HNMT: variants seen among roughly 807,000 people sequenced by gnomAD.
HNMT encodes histamine N-methyltransferase.
Under a neutral mutation model 32.1 loss-of-function variants are expected in HNMT, and 30 were observed. The observed-to-expected ratio is 0.93, with a 90% CI of 0.70 to 1.27. The LOEUF is 1.27. Among genes scored for constraint, HNMT ranks in the 50% most tolerant of loss-of-function variants. The probability of loss-of-function intolerance (pLI) is 0.00; values close to 1 mark genes in which losing one functional copy is unlikely to be tolerated. For missense variants in HNMT, 327 were observed against 346.0 expected (o/e 0.95, Z 0.43); for synonymous variants, 125 against 119.0 (o/e 1.05, Z -0.33).
At chr2:138,005,613 G>A (rs535099555) in intron 5 of HNMT, among the ~76,000 whole-genome samples, 2 of 152,046 alleles carry the variant, frequency 1.3e-5, no homozygotes, top group South Asian at 2.1e-4. Flanking sequence ...ATAAATAAAG[G>A]TTAAACTATT....
At chr2:138,010,068 GGA>G (rs1409040723) in intron 5 of HNMT, among the ~76,000 whole-genome samples, 1 of 151,892 alleles carries the variant, frequency 6.6e-6, no homozygotes, top group African/African-American at 2.4e-5. Flanking sequence ...TACCTAAAAG[GGA>G]AGATGCTTCT....
intron 2 of HNMT, among the ~76,000 whole-genome samples, chr2:137,985,696 C>G (rs1429289973): frequency 1.3e-5 from 2 of 152,138 alleles, no homozygotes; most frequent in Non-Finnish European, 2.9e-5. Context: ...CAGACAGTCT[C>G]CCACTCAGAA....
rs956641313 is a variant in HNMT, at chr2:138,015,839, T to G, written c.*1709T>G. 4 of 152,162 alleles carry G rather than the reference T, an allele frequency of 2.6e-5. No homozygotes were observed. Among genetic ancestry groups the G allele is most frequent in the African/African-American group, 9.7e-5 (4 of 41,444 alleles). 9.4% of individuals were successfully genotyped at this position (152,162 alleles called of 1,614,324 possible). On this transcript the variant is annotated 3_prime_UTR_variant, in exon 6 of 6. Coordinates refer to ENST00000280097, the MANE Select transcript of HNMT (RefSeq NM_006895.3). The stretch of plus-strand genomic sequence containing the variant: ...ACAAAATTAGAACTAACAATGCTAT[T>G]GAAAGATACAAAAGAATTGCAGTCC...
Position 137,970,163 on chromosome 2 carries a change from A to T in HNMT, c.138-2A>T. On this transcript the variant is annotated splice_acceptor_variant, in intron 1 of 5. Transcript: ENST00000280097. LOFTEE classifies it high-confidence loss of function. ...TAAAACTACATAATTTTTTTCTTTC[A>T]GGATTGGAGACACAAAATCAGAAAT... 1 of 1,543,248 alleles carries T rather than the reference A, an allele frequency of 6.5e-7. No individual in the cohort carries two copies. The highest frequency in any genetic ancestry group is 8.9e-7 in the Non-Finnish European group (1 of 1,124,484).
Position 138,013,836 on chromosome 2 carries a change from C to G in HNMT, c.585C>G (p.Leu195=). The G allele has an allele frequency of 6.2e-7, 1 of 1,613,726 alleles. No homozygotes were observed. Among genetic ancestry groups the G allele is most frequent in the Non-Finnish European group, 8.5e-7 (1 of 1,179,790 alleles). The change falls in exon 6 of 6, where the codon CTC becomes CTG. Residue 195 remains leucine (L), a synonymous_variant. Transcript: ENST00000280097. ...GATCACGCTTTCCCCAGGATGACCT[C>G]TGCCAGTATATCACATCAGATGACC... ...KYGSRFPQDD[L]CQYITSDDLT...
intron 2 of HNMT, among the ~76,000 whole-genome samples, chr2:137,983,572 AG>A (rs1680566183): frequency 6.6e-6 from 1 of 152,190 alleles, no homozygotes; most frequent in African/African-American, 2.4e-5. Context: ...ATTAACGTGC[AG>A]TGCTCATCAT....
Position 138,001,000 on chromosome 2 carries a change from T to C in HNMT, c.273T>C (p.Ser91=). The change falls in exon 3 of 6, where the codon AGT becomes AGC. Residue 91 remains serine (S), a synonymous_variant. Coordinates refer to ENST00000280097, the MANE Select transcript of HNMT (RefSeq NM_006895.3). ...TCAACAATGAAGTTGTTGAGCCAAG[T>C]GCTGAACAAATTGCCAAATACAAAG... ...VCINNEVVEP[S]AEQIAKYKEL... The C allele has an allele frequency of 1.2e-6, 2 of 1,606,566 alleles. No homozygotes were observed. Among genetic ancestry groups the C allele is most frequent in the Non-Finnish European group, 1.7e-6 (2 of 1,175,698 alleles).
At chr2:137,973,316 T>C (rs1680189903) in intron 2 of HNMT, among the ~76,000 whole-genome samples, 1 of 152,180 alleles carries the variant, frequency 6.6e-6, no homozygotes, top group Non-Finnish European at 1.5e-5. Flanking sequence ...TCACCTATTA[T>C]GGCCTGACTA....
chr2:137,990,461 A>G (rs1680784815), intron 2 of HNMT, among the ~76,000 whole-genome samples: 1 of 152,132 alleles, frequency 6.6e-6, no homozygotes, highest in South Asian at 2.1e-4. Flanking sequence ...TTCTTTTGCC[A>G]TTACCAGGCT....
intron 1 of HNMT, chr2:137,967,261 A>T: frequency 1.6e-6 from 1 of 618,634 alleles, no homozygotes; most frequent in East Asian, 2.8e-5. Flanking sequence ...AAAGTGAAAA[A>T]GTTAGCTGAA....
chr2:138,002,382 C>A, intron 4 of HNMT, 188 bp downstream of exon 4: 1 of 1,025,096 alleles, frequency 9.8e-7, no homozygotes, highest in Non-Finnish European at 1.2e-6. Flanking sequence ...CTTTAACATT[C>A]CAAAAACCAG....
intron 4 of HNMT, among the ~76,000 whole-genome samples, chr2:138,003,039 A>T (rs958851542): frequency 7.3e-6 from 1 of 137,288 alleles, no homozygotes. Flanking sequence ...AACAATGAGA[A>T]CACATGGACA....
At chr2:138,009,320 A>G (rs1171015938) in intron 5 of HNMT, among the ~76,000 whole-genome samples, 2 of 152,080 alleles carry the variant, frequency 1.3e-5, no homozygotes, top group Non-Finnish European at 2.9e-5. Flanking sequence ...TAGTTCAACC[A>G]CTGTGGAAAG....
chr2:138,001,437 A>T (rs1019318907), intron 3 of HNMT, among the ~76,000 whole-genome samples: 1 of 152,208 alleles, frequency 6.6e-6, no homozygotes, highest in South Asian at 2.1e-4. Context: ...GCCATAACTA[A>T]TCAACCTGCC....
chr2:137,970,498 CAAAATGA>C (rs1168508414), intron 2 of HNMT, among the ~76,000 whole-genome samples: 2 of 152,000 alleles, frequency 1.3e-5, no homozygotes, highest in Non-Finnish European at 2.9e-5. Flanking sequence ...AACTCTTATC[CAAAATGA>C]TTAAAATACT....
At chr2:137,971,979 T>C (rs1680149347) in intron 2 of HNMT, among the ~76,000 whole-genome samples, 1 of 152,230 alleles carries the variant, frequency 6.6e-6, no homozygotes, top group Admixed American at 6.5e-5. Flanking sequence ...TGCCAAGTGG[T>C]AATCCCTTGA....
chr2:138,003,709 G>T (rs1184208790), intron 4 of HNMT, among the ~76,000 whole-genome samples: 1 of 151,870 alleles, frequency 6.6e-6, no homozygotes, highest in East Asian at 1.9e-4. Flanking sequence ...ACTTCATAAT[G>T]TATAGAGAAA....
chr2:137,981,327 C>T (rs1680491863), intron 2 of HNMT: 1 of 1,613,392 alleles, frequency 6.2e-7, no homozygotes, highest in Non-Finnish European at 8.5e-7. Context: ...GAGCGCTCTT[C>T]TGAGTTGCCA....
Position 138,002,086 on chromosome 2 carries a change from C to A in HNMT, c.321C>A (p.Asn107Lys). The stretch of plus-strand genomic sequence containing the variant: ...TAGAGCTTGTAGCCAAGACATCGAA[C>A]CTCGAGAACGTAAAGTTTGCTTGGC... Reference protein sequence around the residue: ...KYKELVAKTSNLENVKFAWHK... With the variant: ...KYKELVAKTSKLENVKFAWHK... The change falls in exon 4 of 6, where the codon AAC becomes AAA. Residue 107 changes from asparagine to lysine, a missense_variant. Coordinates refer to ENST00000280097, the MANE Select transcript of HNMT (RefSeq NM_006895.3). 1 of 1,591,356 alleles carries A rather than the reference C, an allele frequency of 6.3e-7. No homozygotes were observed. The highest frequency in any genetic ancestry group is 1.2e-5 in the South Asian group (1 of 85,692).
Sources: gnomAD v4.1 joint callset for allele counts (sites outside exome capture counted in the v4.1 genomes callset) on GRCh38, gnomAD v4.1.1 for gene constraint, MANE v1.5 for transcripts, NCBI Gene and HGNC (gene_info 2026-07-23, HGNC 2026-07-21) for gene names.